The following XPOT variants were observed in gnomAD, a reference collection of about 807,000 sequenced individuals.
XPOT encodes exportin-T.
XPOT carries 34 observed loss-of-function variants against 128.2 expected under a neutral mutation model. The ratio of observed to expected loss-of-function variants is 0.27; its 90% CI spans 0.20 to 0.35. XPOT has a LOEUF of 0.35. Among genes scored for constraint, XPOT ranks in the 10% least tolerant of loss-of-function variants. XPOT has a pLI of 1.00. For synonymous variants in XPOT, 348 were observed against 394.3 expected (o/e 0.88, Z 1.39); for missense variants, 838 against 1,125.3 (o/e 0.74, Z 3.65).
chr12:64,420,141 G>T lies in XPOT; in HGVS notation c.561G>T (p.Trp187Cys). 7 of 1,612,022 alleles carry T rather than the reference G, an allele frequency of 4.3e-6. No homozygotes were observed. Among genetic ancestry groups the T allele is most frequent in the Non-Finnish European group, 5.9e-6 (7 of 1,179,266 alleles). ...GCATTCCAAATCTGGTGGAATCATG[G>T]TACCAAATATTACAAAATTATCAGT... is the stretch of plus-strand genomic sequence containing the variant. ...EQCIPNLVES[W>C]YQILQNYQFT... The change falls in exon 7 of 25, where the codon TGG becomes TGT. Residue 187 changes from tryptophan to cysteine, a missense_variant. This residue lies in a region of XPOT where 761 missense variants were observed against 988.3 expected (regional missense o/e 0.77). Coordinates refer to ENST00000332707, the MANE Select transcript of XPOT (RefSeq NM_007235.6).
In XPOT at chr12:64,410,110, T is replaced by G. The variant is rs754023644; in HGVS notation, c.60+15T>G. 6.2e-7 allele frequency: 1 copy of G among 1,612,752 alleles called. No individual in the cohort carries two copies. The highest frequency in any genetic ancestry group is 1.1e-5 in the South Asian group (1 of 91,008). ...TTAGACAAAGGGTAAGTTACTCTGCTGAATCATTTTTTAATCATGTCACCA... is the reference window on the plus strand; with the variant it reads ...TTAGACAAAGGGTAAGTTACTCTGCGGAATCATTTTTTAATCATGTCACCA... On this transcript the variant is annotated intron_variant, in intron 2 of 24. Coordinates refer to ENST00000332707, the MANE Select transcript of XPOT (RefSeq NM_007235.6).
chr12:64,438,503 A>T (rs1293233452), intron 22 of XPOT, among the ~76,000 whole-genome samples: 1 of 152,208 alleles, frequency 6.6e-6, no homozygotes, highest in African/African-American at 2.4e-5. Flanking sequence ...CTGATGGGTC[A>T]TTAAACTGGG....
intron 2 of XPOT, among the ~76,000 whole-genome samples, chr12:64,410,428 C>A (rs2040026907): frequency 6.6e-6 from 1 of 152,092 alleles, no homozygotes; most frequent in South Asian, 2.1e-4. Context: ...ATTTTATTTT[C>A]TCTTTCCTTG....
rs1410094841 is a variant in XPOT, at chr12:64,439,333, C to A, written c.2805+18C>A. 1 of 1,610,144 alleles carries A rather than the reference C, an allele frequency of 6.2e-7. No individual in the cohort carries two copies. The highest frequency in any genetic ancestry group is 8.5e-7 in the Non-Finnish European group (1 of 1,176,492). The stretch of plus-strand genomic sequence containing the variant: ...TAATTCAGGTAAGAGCTATTTCTTA[C>A]CATTGTGTAGGCGAGAGATCACAGT... On this transcript the variant is annotated intron_variant, in intron 23 of 24. Coordinates refer to ENST00000332707, the MANE Select transcript of XPOT (RefSeq NM_007235.6).
At chr12:64,415,125 T>C (rs2040076266) in intron 3 of XPOT, 136 bp downstream of exon 3, 2 of 603,436 alleles carry the variant, frequency 3.3e-6, no homozygotes, top group Admixed American at 5.9e-5. Context: ...GCCATTAACA[T>C]ATAGTCATTC....
rs1021577547 is a variant in XPOT at position 64,449,400 on chromosome 12, G to C, written c.*1269G>C. 1 of 152,122 alleles carries C rather than the reference G, an allele frequency of 6.6e-6. No individual in the cohort carries two copies. Among genetic ancestry groups the C allele is most frequent in the African/African-American group, 2.4e-5 (1 of 41,404 alleles). 9.4% of individuals were successfully genotyped at this position (152,122 alleles called of 1,614,324 possible). ...GAGAAAGCAAAAGGAAAAAATAATA[G>C]TTATCAGTAGTGTCACTGGAAAGAA... On this transcript the variant is annotated 3_prime_UTR_variant, in exon 25 of 25. Transcript: ENST00000332707.
At chr12:64,423,125 TATATC>T in intron 10 of XPOT, 52 bp from the exon 11 acceptor site, 1 of 1,592,156 alleles carries the variant, frequency 6.3e-7, no homozygotes, top group Admixed American at 1.8e-5. Flanking sequence ...AATTTCAAAT[TATATC>T]AAATTAGAAG....
chr12:64,430,553 G>A (rs61931553), intron 17 of XPOT, among the ~76,000 whole-genome samples: 1 of 151,846 alleles, frequency 6.6e-6, no homozygotes. Context: ...AGGATCAGCT[G>A]AAGTGTTAAT....
At position 64,425,903 on chromosome 12, in the gene XPOT, C is replaced by A. The variant is rs1382290483; in HGVS notation, c.1661C>A (p.Ser554Tyr). The A allele has an allele frequency of 3.1e-6, 5 of 1,613,544 alleles. No homozygotes were observed. The highest frequency in any genetic ancestry group is 4.2e-6 in the Non-Finnish European group (5 of 1,179,464). ...TACCTGTTTTCTAGATTTGTCAAAT[C>A]TCTCAAGTAAGTATAAAATTGCAGC... is the stretch of plus-strand genomic sequence containing the variant. ...TAYLFSRFVK[S>Y]LNKQMNPFIE... Residue 554 changes from serine to tyrosine, a missense_variant, in exon 15 of 25, where the codon TCT becomes TAT. This residue lies in a region of XPOT where 761 missense variants were observed against 988.3 expected (regional missense o/e 0.77). Coordinates refer to ENST00000332707, the MANE Select transcript of XPOT (RefSeq NM_007235.6).
chr12:64,431,118 A>C (rs940030353), intron 17 of XPOT, among the ~76,000 whole-genome samples: 1 of 151,836 alleles, frequency 6.6e-6, no homozygotes, highest in Non-Finnish European at 1.5e-5. Flanking sequence ...TAATTTTTCT[A>C]TTTTTAGTAA....
At chr12:64,425,279 C>G (rs552687418) in intron 13 of XPOT, 59 bp from the exon 14 acceptor site, 2 of 1,609,096 alleles carry the variant, frequency 1.2e-6, no homozygotes, top group African/African-American at 1.3e-5. Context: ...ATGTTAATAC[C>G]GGGGCATTTT....
intron 4 of XPOT, among the ~76,000 whole-genome samples, chr12:64,416,984 C>T (rs1298917434): frequency 1.3e-5 from 2 of 151,994 alleles, no homozygotes; most frequent in African/African-American, 2.4e-5. Flanking sequence ...AGGCTGAGGC[C>T]GGTAGATCAC....
intron 5 of XPOT, 51 bp downstream of exon 5, chr12:64,418,166 AT>A (rs775400244): frequency 1.0e-5 from 15 of 1,505,610 alleles, no homozygotes; most frequent in African/African-American, 5.6e-5. Context: ...ATTTAAACTT[AT>A]TTTTTGCAAG....
intron 23 of XPOT, 82 bp from the exon 24 acceptor site, chr12:64,444,990 TAAA>T: frequency 5.5e-6 from 4 of 728,224 alleles, no homozygotes; most frequent in African/African-American, 2.0e-5. Flanking sequence ...AAAAAAAAAT[TAAA>T]AAAAAAAAAC....
At chr12:64,424,555 C>G in intron 11 of XPOT, 44 bp from the exon 12 acceptor site, 1 of 1,604,204 alleles carries the variant, frequency 6.2e-7, no homozygotes, top group Admixed American at 1.7e-5. Context: ...CTGCGCCGAT[C>G]AACCCATAAG....
intron 22 of XPOT, 23 bp downstream of exon 22, chr12:64,435,697 C>T: frequency 6.3e-7 from 1 of 1,581,048 alleles, no homozygotes; most frequent in Non-Finnish European, 8.6e-7. Context: ...GTCCATGCCC[C>T]TTCATTTTCA....
chr12:64,424,831 A>G, intron 12 of XPOT, 108 bp downstream of exon 12: 1 of 1,435,754 alleles, frequency 7.0e-7, no homozygotes, highest in South Asian at 1.3e-5. Context: ...ACTTATTGAG[A>G]TCTTATGTGT....
At position 64,449,768 on chromosome 12, in the gene XPOT, T is replaced by G. The variant is rs1021124278; in HGVS notation, c.*1637T>G. Reference sequence around the variant, plus strand: ...AATAGATAAGTGAAAGCTGAGTGTTTCTTTGATAGGTTCCCCTGTACTATA... The same window carrying G: ...AATAGATAAGTGAAAGCTGAGTGTTGCTTTGATAGGTTCCCCTGTACTATA... On this transcript the variant is annotated 3_prime_UTR_variant, in exon 25 of 25. Transcript: ENST00000332707. 22 of 152,274 alleles carry G rather than the reference T, an allele frequency of 1.4e-4. No homozygotes were observed. Among genetic ancestry groups the G allele is most frequent in the African/African-American group, 5.3e-4 (22 of 41,478 alleles). The allele number at this position is 152,274 out of a possible 1,614,324, so 9.4% of individuals were successfully genotyped here. A position where few individuals can be genotyped will look rare whatever the true frequency, so the allele number is the denominator to read the frequency against.
chr12:64,418,197 A>G (rs2040105467), intron 5 of XPOT, 82 bp downstream of exon 5: 12 of 1,171,332 alleles, frequency 1.0e-5, no homozygotes, highest in South Asian at 2.7e-5. Context: ...CTTTACCTCA[A>G]AGATTTTCAT....
Sources: allele counts gnomAD v4.1 joint callset (sites outside exome capture counted in the v4.1 genomes callset), GRCh38; gene constraint gnomAD v4.1.1; regional missense constraint gnomAD v4.1.1; transcripts MANE v1.5; gene names NCBI Gene and HGNC (gene_info 2026-07-23, HGNC 2026-07-21).